Variants in UAP1 observed in about 807,000 individuals in gnomAD.
UAP1 encodes UDP-N-acetylhexosamine pyrophosphorylase.
UAP1 carries 25 observed loss-of-function variants against 58.5 expected under a neutral mutation model. The ratio of observed to expected loss-of-function variants is 0.43; its 90% confidence interval spans 0.31 to 0.60. The LOEUF is 0.60. Among genes scored for constraint, UAP1 ranks in the 20% least tolerant of loss-of-function variants. UAP1 has a pLI of 0.11. For missense variants in UAP1, 575 were observed against 630.0 expected (o/e 0.91, Z 0.93); for synonymous variants, 208 against 213.0 (o/e 0.98, Z 0.21).
At chr1:162,589,170 TA>T (rs1220843897) in intron 7 of UAP1, among the ~76,000 whole-genome samples, 1 of 102,438 alleles carries the variant, frequency 9.8e-6, no homozygotes, top group Non-Finnish European at 1.8e-5. Flanking sequence ...ATATAATATA[TA>T]AATATTATAT....
At chr1:162,565,018 G>A (rs1325879482) in intron 1 of UAP1, among the ~76,000 whole-genome samples, 2 of 152,090 alleles carry the variant, frequency 1.3e-5, no homozygotes, top group Non-Finnish European at 2.9e-5. Flanking sequence ...ACAGGCATAT[G>A]TTACCACATC....
intron 8 of UAP1, among the ~76,000 whole-genome samples, chr1:162,590,942 T>G (rs1393646226): frequency 6.7e-6 from 1 of 150,190 alleles, no homozygotes; most frequent in African/African-American, 2.5e-5. Flanking sequence ...TTTTTTTTTT[T>G]GAGACAGAGT....
At chr1:162,600,667 C>A (rs1386135269), downstream of UAP1, among the ~76,000 whole-genome samples, 1 of 148,674 alleles carries the variant, frequency 6.7e-6, no homozygotes, top group Non-Finnish European at 1.5e-5. Context: ...TTTTGAAGAG[C>A]ATGTGATGTT....
intron 5 of UAP1, among the ~76,000 whole-genome samples, chr1:162,582,946 C>G (rs1303377249): frequency 6.7e-6 from 1 of 150,290 alleles, no homozygotes; most frequent in South Asian, 2.1e-4. Flanking sequence ...TTTAAGACTT[C>G]TATCTGTTCC....
At chr1:162,588,362 C>T (rs548221110) in intron 6 of UAP1, among the ~76,000 whole-genome samples, 2 of 152,212 alleles carry the variant, frequency 1.3e-5, no homozygotes, top group South Asian at 4.1e-4. Flanking sequence ...CATTCTATGC[C>T]ATTTGTAGCT....
intron 8 of UAP1, 33 bp downstream of exon 8, chr1:162,590,544 C>T: frequency 6.5e-7 from 1 of 1,539,642 alleles, no homozygotes; most frequent in Non-Finnish European, 8.8e-7. Flanking sequence ...TTGTATGAAT[C>T]CTTTCTTGGA....
chr1:162,568,965 G>A (rs1434716659), intron 2 of UAP1, among the ~76,000 whole-genome samples: 3 of 152,134 alleles, frequency 2.0e-5, no homozygotes, highest in African/African-American at 7.2e-5. Flanking sequence ...ACTAAAATCC[G>A]GAACTATTAG....
intron 2 of UAP1, among the ~76,000 whole-genome samples, chr1:162,571,549 T>G (rs1488487671): frequency 2.6e-5 from 4 of 152,338 alleles, no homozygotes; most frequent in Admixed American, 6.5e-5. Context: ...AACTTTTCAG[T>G]GTTTTTCAGT....
intron 3 of UAP1, among the ~76,000 whole-genome samples, chr1:162,577,267 A>G (rs191223707): frequency 6.6e-6 from 1 of 151,828 alleles, no homozygotes; most frequent in African/African-American, 2.4e-5. Flanking sequence ...ATTTTCAGGT[A>G]CCAGGTTATT....
At position 162,590,096 on chromosome 1, in the gene UAP1, G is replaced by A. The variant is rs371477706; in HGVS notation, c.1170-227G>A. 6.8e-5 allele frequency among the ~76,000 whole-genome samples: 10 copies of A among 147,338 alleles called. No individual in the cohort carries two copies. The South Asian group carries it at 1.5e-3, about 22-fold the overall frequency. On this transcript the variant is annotated intron_variant, in intron 7 of 10. Transcript: ENST00000271469. ...GTACATTAAGATTTCTAATCTTTCC[G>A]ACTTAAGATGAACTGTTCTATAGTT...
At chr1:162,564,944 T>C (rs1275634343) in intron 1 of UAP1, among the ~76,000 whole-genome samples, 1 of 152,120 alleles carries the variant, frequency 6.6e-6, no homozygotes, top group African/African-American at 2.4e-5. Context: ...TTACGCCTCA[T>C]TGTAGCCTCG....
rs148925473 is a variant in UAP1 at position 162,595,417 on chromosome 1, T to C, written c.1410-2375T>C. ...GGGCCCTCATTTTTTCCTTTTTTTT[T>C]CCTCGGCATGCCTACTCAAGATTCA... On this transcript the variant is annotated intron_variant, in intron 9 of 10. Transcript: ENST00000271469. 1.3e-4 allele frequency among the ~76,000 whole-genome samples: 20 copies of C among 152,272 alleles called. No homozygotes were observed. The East Asian group carries it at 3.1e-3, about 24-fold the overall frequency.
At chr1:162,600,989 A>C (rs1655874629), downstream of UAP1, among the ~76,000 whole-genome samples, 1 of 152,134 alleles carries the variant, frequency 6.6e-6, no homozygotes, top group African/African-American at 2.4e-5. Context: ...TTGTAAGAAA[A>C]TACTAGTGAT....
chr1:162,591,845 C>A (rs533518898), intron 8 of UAP1, among the ~76,000 whole-genome samples: 1 of 151,612 alleles, frequency 6.6e-6, no homozygotes, highest in Non-Finnish European at 1.5e-5. Flanking sequence ...AGTGCAGTGG[C>A]GCGATCTTGG....
In UAP1 at chr1:162,590,179, T is replaced by TC. The variant is rs1296647230; in HGVS notation, c.1170-142dup. 6 of 620,468 alleles carry TC rather than the reference T, an allele frequency of 9.7e-6. No homozygotes were observed. In the African/African-American group the frequency reaches 1.1e-4, roughly 12 times the overall value. The allele number at this position is 620,468 out of a possible 1,614,324, so 38.4% of individuals were successfully genotyped here. A position where few individuals can be genotyped will look rare whatever the true frequency, so the allele number is the denominator to read the frequency against. ...AAAAGAAAATTTCAGCTTTCTTTAG[T>TC]CCAAGGGTGAGCAATATTTTATTCA... On this transcript the variant is annotated intron_variant, in intron 7 of 10. Transcript: ENST00000271469.
At chr1:162,588,498 AT>A (rs563035475) in intron 6 of UAP1, among the ~76,000 whole-genome samples, 194 bp from the exon 7 acceptor site, 1 of 151,550 alleles carries the variant, frequency 6.6e-6, no homozygotes, top group Non-Finnish European at 1.5e-5. Flanking sequence ...CTGTTATTTG[AT>A]TTTTTTTTAA....
At chr1:162,578,215 C>T (rs778153531) in intron 3 of UAP1, among the ~76,000 whole-genome samples, 12 of 152,120 alleles carry the variant, frequency 7.9e-5, no homozygotes, top group Non-Finnish European at 1.5e-4. Flanking sequence ...CCCATGTGAT[C>T]AACAAAAGCT....
At chr1:162,576,704 T>C in intron 2 of UAP1, 73 bp from the exon 3 acceptor site, 1 of 1,388,402 alleles carries the variant, frequency 7.2e-7, no homozygotes, top group Non-Finnish European at 1.0e-6. Context: ...GAGTCTTTGC[T>C]GCTACCTATG....
At chr1:162,599,905 A>G (rs1655833263), downstream of UAP1, 1 of 152,262 alleles carries the variant, frequency 6.6e-6, no homozygotes, top group African/African-American at 2.4e-5. Flanking sequence ...CTTTAAGATA[A>G]TGCATAAAAA....
Sources: gnomAD v4.1 joint callset for allele counts (sites outside exome capture counted in the v4.1 genomes callset) on GRCh38, gnomAD v4.1.1 for gene constraint, MANE v1.5 for transcripts, NCBI Gene and HGNC (gene_info 2026-07-23, HGNC 2026-07-21) for gene names.